The following CLCN6 variants were observed in gnomAD, a reference collection of about 807,000 sequenced individuals.
CLCN6 encodes H(+)/Cl(-) exchange transporter 6.
A neutral mutation model predicts 109.8 loss-of-function variants in CLCN6; 70 were observed. The ratio of observed to expected loss-of-function variants is 0.64; its 90% CI spans 0.53 to 0.78. CLCN6 has a LOEUF of 0.78. Ranked by LOEUF, CLCN6 falls within the 30% of genes least tolerant of loss-of-function variation. The pLI, the probability that CLCN6 is intolerant of heterozygous loss-of-function variation, is 0.00. For synonymous variants in CLCN6, 444 were observed against 447.8 expected, an observed-to-expected ratio of 0.99 and a Z score of 0.11; for missense variants, 984 against 1,142.3, an observed-to-expected ratio of 0.86 and a Z score of 2.00.
chr1:11,840,118 G>A, intron 22 of CLCN6, 25 bp from the exon 23 acceptor site: 1 of 1,605,314 alleles, frequency 6.2e-7, no homozygotes. Flanking sequence ...CCCTGAAGGT[G>A]ACTCAGGCCT....
At chr1:11,825,696 C>T (rs989970564) in intron 8 of CLCN6, among the ~76,000 whole-genome samples, 1 of 152,212 alleles carries the variant, frequency 6.6e-6, no homozygotes, top group Non-Finnish European at 1.5e-5. Context: ...CATCTCTGCT[C>T]ACTACAGCCT....
At chr1:11,821,008 A>G (rs990886180) in intron 5 of CLCN6, among the ~76,000 whole-genome samples, 1 of 150,222 alleles carries the variant, frequency 6.7e-6, no homozygotes, top group African/African-American at 2.4e-5. Context: ...CCCGGGAGAC[A>G]GAGGCTGCAG....
rs770399116 is a variant in CLCN6, at chr1:11,837,515, G to A, written c.2295+16G>A. On this transcript the variant is annotated intron_variant, in intron 20 of 22. Coordinates refer to ENST00000346436, the MANE Select transcript of CLCN6 (RefSeq NM_001286.5). ...AAGCCAGTCGGTAAGTCTCTCCGAG[G>A]CAGAAATCAGCCAGGCCAGACCTGA... 3.1e-6 allele frequency: 5 copies of A among 1,610,202 alleles called. No individual in the cohort carries two copies. In the Admixed American group the frequency reaches 8.3e-5, roughly 27 times the overall value.
chr1:11,806,439 G>A (rs1644511695), intron 1 of CLCN6, 90 bp downstream of exon 1: 1 of 1,241,534 alleles, frequency 8.1e-7, no homozygotes, highest in South Asian at 1.6e-5. Flanking sequence ...GCCAATCTGG[G>A]CCCGCAGGTG....
Position 11,837,351 on chromosome 1 carries a change from C to T in CLCN6, c.2147C>T (p.Pro716Leu), listed in dbSNP as rs778798005. 2 of 1,610,732 alleles carry T rather than the reference C, an allele frequency of 1.2e-6. No homozygotes were observed. The highest frequency in any genetic ancestry group is 1.7e-5 in the Admixed American group (1 of 59,934). ...TGGTTTTTGTGTAACAGATACACTC[C>T]CTACCCCAACCTATACCCTGACCAG... The part of the protein sequence containing the change: ...LQQMLERRYT[P>L]YPNLYPDQSP... Residue 716 changes from proline to leucine, a missense_variant, in exon 20 of 23, where the codon CCC becomes CTC. Coordinates refer to ENST00000346436, the MANE Select transcript of CLCN6 (RefSeq NM_001286.5).
chr1:11,828,356 C>A lies in CLCN6; in HGVS notation c.955-102C>A, dbSNP rs111743209. The stretch of plus-strand genomic sequence containing the variant: ...ATCTCACCCATTAGCCTCTGCCGTG[C>A]GGGAAAGCAGCCCCACTCTTGCTTC... On this transcript the variant is annotated intron_variant, in intron 11 of 22. Coordinates refer to ENST00000346436, the MANE Select transcript of CLCN6 (RefSeq NM_001286.5). The A allele has an allele frequency of 3.3e-6, 5 of 1,502,606 alleles. No individual in the cohort carries two copies. In the African/African-American group the frequency reaches 5.5e-5, roughly 17 times the overall value. 93.1% of individuals were successfully genotyped at this position (1,502,606 alleles called of 1,614,324 possible).
intron 2 of CLCN6, among the ~76,000 whole-genome samples, chr1:11,809,220 A>G (rs1023144125): frequency 6.6e-6 from 1 of 152,126 alleles, no homozygotes; most frequent in African/African-American, 2.4e-5. Flanking sequence ...TGCAGGAATT[A>G]GTATAAGATA....
chr1:11,820,625 G>A, intron 5 of CLCN6: 1 of 370,638 alleles, frequency 2.7e-6, no homozygotes, highest in Non-Finnish European at 5.1e-6. Context: ...AAATTAGCTG[G>A]GCGTGGCGGT....
At chr1:11,811,362 T>C (rs983005231) in intron 2 of CLCN6, among the ~76,000 whole-genome samples, 2 of 152,156 alleles carry the variant, frequency 1.3e-5, no homozygotes, top group Non-Finnish European at 2.9e-5. Context: ...TTCACAGAGT[T>C]GTACAACCAT....
In CLCN6 at chr1:11,834,447, A is replaced by C; in HGVS notation, c.1687-37A>C. The C allele has an allele frequency of 6.2e-7, 1 of 1,613,658 alleles. No homozygotes were observed. On this transcript the variant is annotated intron_variant, in intron 16 of 22. Coordinates refer to ENST00000346436, the MANE Select transcript of CLCN6 (RefSeq NM_001286.5). The surrounding 1 kb of genome is among the most constrained non-coding windows in gnomAD (Gnocchi z 4.5). ...TCAGGCTCAGGGCCACGTCCGCCCC[A>C]CAGGACCTATTTTTAGGTCTTTGCT...
At chr1:11,806,425 C>T in intron 1 of CLCN6, 76 bp downstream of exon 1, 14 of 1,354,330 alleles carry the variant, frequency 1.0e-5, no homozygotes, top group Non-Finnish European at 1.3e-5. Flanking sequence ...GGGGGTGGGG[C>T]CGGGCCAATC....
chr1:11,807,841 T>A (rs890590963), intron 2 of CLCN6, among the ~76,000 whole-genome samples: 17 of 152,202 alleles, frequency 1.1e-4, no homozygotes, highest in African/African-American at 4.1e-4. Context: ...ATATACATGA[T>A]ACATGCTTTT....
At chr1:11,833,813 G>T (rs1363395423) in intron 14 of CLCN6, 64 bp from the exon 15 acceptor site, 10 of 1,570,710 alleles carry the variant, frequency 6.4e-6, no homozygotes, top group Non-Finnish European at 8.6e-6. Context: ...GGTCGGGCCC[G>T]GTAGGTCTAC....
chr1:11,817,124 G>A (rs529828231), intron 4 of CLCN6, among the ~76,000 whole-genome samples: 25 of 151,886 alleles, frequency 1.6e-4, no homozygotes, highest in Non-Finnish European at 3.5e-4. Flanking sequence ...ACAGGGTCTC[G>A]CTTTGTCACC....
intron 22 of CLCN6, 165 bp downstream of exon 22, chr1:11,838,825 C>G (rs1056042107): frequency 1.0e-6 from 1 of 999,964 alleles, no homozygotes; most frequent in Non-Finnish European, 1.6e-6. Context: ...GCACTCGGGA[C>G]CCTTTCCCCT....
rs749012466 is a variant in CLCN6, at chr1:11,820,403, C to A, written c.346+849C>A. 1.8e-5 allele frequency: 13 copies of A among 716,162 alleles called. No homozygotes were observed. The East Asian group carries it at 2.7e-4, about 15-fold the overall frequency. 44.4% of individuals were successfully genotyped at this position (716,162 alleles called of 1,614,324 possible). A position where few individuals can be genotyped will look rare whatever the true frequency, so the allele number is the denominator to read the frequency against. The stretch of plus-strand genomic sequence containing the variant: ...GATGTAAATATGCAGAACAAAACTT[C>A]GGGAGACTATATGTTGTCAAGAGTG... On this transcript the variant is annotated intron_variant, in intron 5 of 22. Coordinates refer to ENST00000346436, the MANE Select transcript of CLCN6 (RefSeq NM_001286.5).
chr1:11,825,165 C>T (rs1319414640), intron 8 of CLCN6, among the ~76,000 whole-genome samples: 1 of 152,230 alleles, frequency 6.6e-6, no homozygotes, highest in East Asian at 1.9e-4. Context: ...TTGGAGAAGT[C>T]TCAGTTCCCT....
chr1:11,820,060 T>C (rs1557782547), intron 5 of CLCN6, among the ~76,000 whole-genome samples: 1 of 152,066 alleles, frequency 6.6e-6, no homozygotes, highest in African/African-American at 2.4e-5. Flanking sequence ...CAGTGGAAAA[T>C]GATAGAGAAG....
intron 13 of CLCN6, among the ~76,000 whole-genome samples, chr1:11,832,524 C>A (rs979511538): frequency 6.6e-6 from 1 of 152,236 alleles, no homozygotes; most frequent in East Asian, 1.9e-4. Context: ...CTCACCAGTG[C>A]CAGGTGCTGC....
Sources: allele counts gnomAD v4.1 joint callset (sites outside exome capture counted in the v4.1 genomes callset), GRCh38; gene constraint gnomAD v4.1.1; non-coding constraint Gnocchi (gnomAD v3.1); transcripts MANE v1.5; gene names NCBI Gene and HGNC (gene_info 2026-07-23, HGNC 2026-07-21).